The following KHDC1 variants were observed in gnomAD, a reference collection of about 807,000 sequenced individuals.
The protein encoded by KHDC1 is KH homology domain-containing protein 1.
KHDC1 carries 21 observed loss-of-function variants against 24.7 expected under a neutral mutation model. The observed-to-expected ratio is 0.85, with a 90% confidence interval of 0.60 to 1.23. KHDC1 has a LOEUF of 1.23. Among genes scored for constraint, KHDC1 ranks in the 50% most tolerant of loss-of-function variants. The pLI, the probability that KHDC1 is intolerant of heterozygous loss-of-function variation, is 0.00. For synonymous variants in KHDC1, 98 were observed against 111.7 expected, an observed-to-expected ratio of 0.88 and a Z score of 0.77; for missense variants, 274 against 298.5, an observed-to-expected ratio of 0.92 and a Z score of 0.61.
At chr6:73,250,196 A>G (rs1261245580) in intron 2 of KHDC1, among the ~76,000 whole-genome samples, 4 of 152,300 alleles carry the variant, frequency 2.6e-5, no homozygotes, top group Non-Finnish European at 2.9e-5. Context: ...AAATATAGAA[A>G]AATAGAACCC....
intron 2 of KHDC1, among the ~76,000 whole-genome samples, chr6:73,245,879 G>A (rs146689833): frequency 2.0e-5 from 3 of 152,090 alleles, no homozygotes; most frequent in Admixed American, 6.6e-5. Flanking sequence ...ATCCATTCTC[G>A]AGATAAGCAG....
intron 2 of KHDC1, among the ~76,000 whole-genome samples, chr6:73,255,846 G>C (rs1211947090): frequency 6.7e-6 from 1 of 148,242 alleles, no homozygotes; most frequent in Non-Finnish European, 1.5e-5. Flanking sequence ...AGGTTGCAGT[G>C]AGCTGAGATC....
chr6:73,293,139 C>T, intron 1 of KHDC1: 1 of 787,596 alleles, frequency 1.3e-6, no homozygotes, highest in Non-Finnish European at 2.2e-6. Flanking sequence ...TACTCTCACC[C>T]TATCAGCAAG....
intron 2 of KHDC1, among the ~76,000 whole-genome samples, chr6:73,279,575 A>ATTTTTTTTTT (rs560281126): frequency 1.0e-5 from 1 of 98,312 alleles, no homozygotes; most frequent in Non-Finnish European, 2.0e-5. Context: ...GGGACCATGG[A>ATTTTTTTTTT]TTTTTTTTTT....
chr6:73,298,893 G>A (rs1270782105), intron 1 of KHDC1, among the ~76,000 whole-genome samples: 1 of 152,122 alleles, frequency 6.6e-6, no homozygotes, highest in Non-Finnish European at 1.5e-5. Flanking sequence ...AGGAGCCACA[G>A]CCTGGGAAAT....
At chr6:73,263,126 G>A in intron 2 of KHDC1, 1 of 996,438 alleles carries the variant, frequency 1.0e-6, no homozygotes, top group Non-Finnish European at 1.2e-6. Context: ...GTACCTCCTG[G>A]GCCGCGCACC....
At chr6:73,280,279 T>G (rs977877251) in intron 2 of KHDC1, among the ~76,000 whole-genome samples, 9 of 152,228 alleles carry the variant, frequency 5.9e-5, no homozygotes, top group Admixed American at 2.0e-4. Flanking sequence ...CATCTCAGCC[T>G]TCCAAGTAGC....
intron 2 of KHDC1, chr6:73,290,908 A>G: frequency 2.7e-6 from 1 of 364,002 alleles, no homozygotes; most frequent in East Asian, 6.4e-5. Flanking sequence ...ACAACAAGGA[A>G]GCTCAATCAC....
intron 2 of KHDC1, among the ~76,000 whole-genome samples, chr6:73,283,318 G>A (rs562508929): frequency 1.3e-5 from 2 of 150,542 alleles, no homozygotes; most frequent in South Asian, 4.2e-4. Flanking sequence ...GTGGACTCAA[G>A]TGTTACTAGT....
At chr6:73,287,940 G>C (rs868564642) in intron 2 of KHDC1, among the ~76,000 whole-genome samples, 2 of 152,186 alleles carry the variant, frequency 1.3e-5, no homozygotes, top group Non-Finnish European at 2.9e-5. Flanking sequence ...CTACTCCTCT[G>C]GGGTGAAATT....
At chr6:73,253,763 C>CT (rs1191347396) in intron 2 of KHDC1, among the ~76,000 whole-genome samples, 1 of 151,604 alleles carries the variant, frequency 6.6e-6, no homozygotes, top group Non-Finnish European at 1.5e-5. Flanking sequence ...AAAAATTGGC[C>CT]AGGCATAGTG....
exon 1 of KHDC1, chr6:73,309,707 G>A: frequency 1.3e-6 from 2 of 1,549,972 alleles, no homozygotes; most frequent in Non-Finnish European, 1.7e-6. Flanking sequence ...CTGGAAGGCC[G>A]ACAGCATTTC....
intron 2 of KHDC1, among the ~76,000 whole-genome samples, chr6:73,251,602 A>G (rs1277794488): frequency 6.6e-6 from 1 of 152,172 alleles, no homozygotes; most frequent in Non-Finnish European, 1.5e-5. Flanking sequence ...ACTGGAAAAT[A>G]TAAACATAAA....
At chr6:73,273,148 C>T (rs567827225) in intron 2 of KHDC1, among the ~76,000 whole-genome samples, 3 of 148,692 alleles carry the variant, frequency 2.0e-5, no homozygotes, top group Non-Finnish European at 3.0e-5. Context: ...CGTGAGCCAC[C>T]GCGCCCAGCT....
At chr6:73,292,299 T>G (rs1199002332) in intron 1 of KHDC1, 1 of 1,097,784 alleles carries the variant, frequency 9.1e-7, no homozygotes, top group Non-Finnish European at 1.4e-6. Context: ...GGTAGGATGC[T>G]CTTTGACTAC....
chr6:73,242,016 C>T (rs1300771395), intron 4 of KHDC1, 39 bp downstream of exon 3: 1 of 1,575,640 alleles, frequency 6.3e-7, no homozygotes, highest in Non-Finnish European at 8.6e-7. Context: ...AGAACTCCAC[C>T]ACCAAGTCTA....
At chr6:73,265,557 C>T (rs911790015) in intron 2 of KHDC1, among the ~76,000 whole-genome samples, 6 of 131,086 alleles carry the variant, frequency 4.6e-5, no homozygotes, top group African/African-American at 1.2e-4. Context: ...AAAAAAGTAA[C>T]GTGACTGGTC....
intron 1 of KHDC1, among the ~76,000 whole-genome samples, chr6:73,296,045 G>A (rs956342889): frequency 6.6e-6 from 1 of 151,956 alleles, no homozygotes; most frequent in Non-Finnish European, 1.5e-5. Flanking sequence ...GGGAGGCTGA[G>A]GCAGGAGAAT....
chr6:73,273,681 T>C (rs1767222391), intron 2 of KHDC1, among the ~76,000 whole-genome samples: 2 of 151,676 alleles, frequency 1.3e-5, no homozygotes, highest in African/African-American at 2.4e-5. Flanking sequence ...CCGGGCGTGG[T>C]GGCAGGCGCC....
Sources: allele counts gnomAD v4.1 joint callset (sites outside exome capture counted in the v4.1 genomes callset), GRCh38; gene constraint gnomAD v4.1.1; transcripts MANE v1.5; gene names NCBI Gene and HGNC (gene_info 2026-07-23, HGNC 2026-07-21).